The following GABRB2 variants were observed in gnomAD, a reference collection of about 807,000 sequenced individuals.
GABRB2 encodes gamma-aminobutyric acid type A receptor subunit beta2.
Under a neutral mutation model 54.7 loss-of-function variants are expected in GABRB2, and 16 were observed. The observed-to-expected ratio is 0.29, with a 90% CI of 0.20 to 0.44. The LOEUF (loss-of-function observed/expected upper bound fraction) is 0.44. Among genes scored for constraint, GABRB2 ranks in the 20% least tolerant of loss-of-function variants. The pLI, the probability that GABRB2 is intolerant of heterozygous loss-of-function variation, is 1.00. For missense variants in GABRB2, 355 were observed against 644.0 expected, an observed-to-expected ratio of 0.55 and a Z score of 4.86; for synonymous variants, 244 against 233.8, an observed-to-expected ratio of 1.04 and a Z score of -0.40.
intron 9 of GABRB2, among the ~76,000 whole-genome samples, chr5:161,305,808 A>G (rs1377801170): frequency 6.6e-6 from 1 of 152,230 alleles, no homozygotes; most frequent in African/African-American, 2.4e-5. Flanking sequence ...TTTCTAATGC[A>G]CAGGAGTAAA....
chr5:161,515,336 T>C (rs1189190355), intron 3 of GABRB2, among the ~76,000 whole-genome samples: 2 of 152,152 alleles, frequency 1.3e-5, no homozygotes, highest in African/African-American at 4.8e-5. Context: ...ATTTGGTCTA[T>C]TATTAGAAAA....
chr5:161,353,691 A>C (rs2113439247), intron 5 of GABRB2, among the ~76,000 whole-genome samples: 1 of 152,158 alleles, frequency 6.6e-6, no homozygotes, highest in South Asian at 2.1e-4. Context: ...GTAGCAGATA[A>C]GTCCAATGTA....
chr5:161,419,608 CTG>C (rs1756789794), intron 4 of GABRB2, among the ~76,000 whole-genome samples: 1 of 152,244 alleles, frequency 6.6e-6, no homozygotes, highest in Admixed American at 6.5e-5. Flanking sequence ...TATATATACA[CTG>C]TAGAATGCTA....
At chr5:161,425,828 C>G (rs1237689209) in intron 4 of GABRB2, among the ~76,000 whole-genome samples, 2 of 152,174 alleles carry the variant, frequency 1.3e-5, no homozygotes, top group East Asian at 3.9e-4. Context: ...CATCTTTCTC[C>G]TAGCAAATTG....
At chr5:161,382,969 T>C (rs1755512865) in intron 5 of GABRB2, among the ~76,000 whole-genome samples, 1 of 152,210 alleles carries the variant, frequency 6.6e-6, no homozygotes, top group African/African-American at 2.4e-5. Context: ...AAAGCGAGAC[T>C]TGGATGGACA....
chr5:161,358,728 C>T (rs981659142), intron 5 of GABRB2, among the ~76,000 whole-genome samples: 2 of 152,002 alleles, frequency 1.3e-5, no homozygotes, highest in Non-Finnish European at 2.9e-5. Context: ...ATTCAGTTTT[C>T]TTAGTGAGGT....
upstream of GABRB2, chr5:161,546,801 T>A: frequency 7.1e-7 from 1 of 1,400,868 alleles, no homozygotes; most frequent in Admixed American, 3.0e-5. Flanking sequence ...ATTTCCTTGT[T>A]TAAAAAAAAA....
At chr5:161,508,655 C>G (rs560642356) in intron 3 of GABRB2, among the ~76,000 whole-genome samples, 1 of 151,874 alleles carries the variant, frequency 6.6e-6, no homozygotes, top group Admixed American at 6.6e-5. Flanking sequence ...GTTTTCTAAA[C>G]GGAAAAAAGA....
chr5:161,393,648 T>C (rs1465858258), intron 5 of GABRB2, among the ~76,000 whole-genome samples: 2 of 151,946 alleles, frequency 1.3e-5, no homozygotes, highest in African/African-American at 4.8e-5. Flanking sequence ...ACTAAGAATA[T>C]TACTAGAGAT....
intron 5 of GABRB2, among the ~76,000 whole-genome samples, chr5:161,402,930 T>G (rs1049923481): frequency 3.9e-5 from 6 of 152,232 alleles, no homozygotes; most frequent in African/African-American, 1.4e-4. Flanking sequence ...AAGAGGCCTG[T>G]GGTGTGGCCT....
chr5:161,442,419 C>A (rs1169250441), intron 4 of GABRB2, among the ~76,000 whole-genome samples: 1 of 152,116 alleles, frequency 6.6e-6, no homozygotes, highest in Admixed American at 6.5e-5. Flanking sequence ...CAGAATCTTC[C>A]ACCAGGACAC....
chr5:161,453,576 C>G (rs1757856511), intron 4 of GABRB2, among the ~76,000 whole-genome samples: 1 of 152,152 alleles, frequency 6.6e-6, no homozygotes, highest in South Asian at 2.1e-4. Context: ...TTTTGGACTT[C>G]CCAGCCTGCA....
chr5:161,428,434 T>C (rs754725783), intron 4 of GABRB2, among the ~76,000 whole-genome samples: 13 of 152,050 alleles, frequency 8.5e-5, no homozygotes, highest in Non-Finnish European at 1.6e-4. Flanking sequence ...TATTTGCTAC[T>C]TTGTATCCTT....
At chr5:161,528,153 G>A (rs958691103) in intron 3 of GABRB2, among the ~76,000 whole-genome samples, 1 of 151,668 alleles carries the variant, frequency 6.6e-6, no homozygotes, top group African/African-American at 2.4e-5. Flanking sequence ...ATCAAGAGAT[G>A]TTCACAAAAC....
In GABRB2 at chr5:161,503,494, A is replaced by G. The variant is rs538069797; in HGVS notation, c.237+41733T>C. On this transcript the variant is annotated intron_variant, in intron 3 of 9. Transcript: ENST00000393959. ...GAGGCTGAGGCGGGCAGATCACCTG[A>G]GGTTGGGAGTTTGAGAACAGCCTGA... Among the ~76,000 whole-genome samples the G allele has an allele frequency of 1.3e-3, 197 of 152,256 alleles. 1 individual carries two copies. The highest frequency in any genetic ancestry group is 2.3e-3 in the Non-Finnish European group (157 of 68,008).
chr5:161,488,494 G>A (rs114963262), intron 3 of GABRB2, among the ~76,000 whole-genome samples: 3,018 of 151,760 alleles, frequency 0.02, 38 homozygotes, highest in Middle Eastern at 0.037. Flanking sequence ...TGTTTTTACA[G>A]CTAGAAAGAT....
In GABRB2 at chr5:161,383,756, C is replaced by G. The variant is rs372539575; in HGVS notation, c.541+27219G>C. Among the ~76,000 whole-genome samples the G allele has an allele frequency of 6.6e-5, 10 of 152,156 alleles. No individual in the cohort carries two copies. In the East Asian group the frequency reaches 1.9e-3, roughly 29 times the overall value. On this transcript the variant is annotated intron_variant, in intron 5 of 9. Coordinates refer to ENST00000393959, the MANE Select transcript of GABRB2 (RefSeq NM_001371727.1). ...CACCATAGATTATTTTGAACCAAAT[C>G]CCAGGCAATATCATGTCATCTAAAC...
chr5:161,358,396 G>T (rs746017532), intron 5 of GABRB2, among the ~76,000 whole-genome samples: 24 of 152,004 alleles, frequency 1.6e-4, no homozygotes, highest in Non-Finnish European at 3.4e-4. Context: ...ATAGAGACTA[G>T]GTGACTAAAG....
At chr5:161,377,755 A>G (rs1755351482) in intron 5 of GABRB2, among the ~76,000 whole-genome samples, 1 of 152,050 alleles carries the variant, frequency 6.6e-6, no homozygotes, top group South Asian at 2.1e-4. Context: ...AGATTTCAAC[A>G]TTTATTTTTC....
Sources: gnomAD v4.1 joint callset for allele counts (sites outside exome capture counted in the v4.1 genomes callset) on GRCh38, gnomAD v4.1.1 for gene constraint, MANE v1.5 for transcripts, NCBI Gene and HGNC (gene_info 2026-07-23, HGNC 2026-07-21) for gene names.